CDKAL1: variants seen among roughly 807,000 people sequenced by gnomAD.
CDKAL1 encodes the protein threonylcarbamoyladenosine tRNA methylthiotransferase.
A neutral mutation model predicts 68.2 loss-of-function variants in CDKAL1; 32 were observed. That is an observed-to-expected ratio of 0.47 (90% CI 0.35 to 0.63). CDKAL1 has a LOEUF of 0.63. CDKAL1 is among the 30% of genes least tolerant of loss of function. The pLI, the probability that CDKAL1 is intolerant of heterozygous loss-of-function variation, is 0.00. For missense variants in CDKAL1, 606 were observed against 696.7 expected (o/e 0.87, Z 1.47); for synonymous variants, 234 against 244.3 (o/e 0.96, Z 0.39).
chr6:20,573,973 C>T (rs1764812396), intron 4 of CDKAL1, among the ~76,000 whole-genome samples: 2 of 152,160 alleles, frequency 1.3e-5, no homozygotes. Flanking sequence ...GGCAGTATAA[C>T]TAGCTGGCTC....
At chr6:20,989,660 T>C (rs955666229) in intron 10 of CDKAL1, among the ~76,000 whole-genome samples, 33 of 152,324 alleles carry the variant, frequency 2.2e-4, no homozygotes, top group Non-Finnish European at 3.5e-4. Context: ...GTAGCAGTCT[T>C]TTCTTAAATG....
intron 8 of CDKAL1, among the ~76,000 whole-genome samples, chr6:20,842,525 T>G (rs1219647890): frequency 6.6e-6 from 1 of 151,972 alleles, no homozygotes; most frequent in African/African-American, 2.4e-5. Context: ...CAATAAAGAG[T>G]TTAGAACTTC....
At position 20,661,924 on chromosome 6, in the gene CDKAL1, A is replaced by G. The variant is rs138970007; in HGVS notation, c.371+12547A>G. On this transcript the variant is annotated intron_variant, in intron 5 of 15. Transcript: ENST00000274695. ...TTGGCTGTTGTCCTAACAACTCTGT[A>G]GGTGGAGGCTCCAGAAAGCATGCAG... is the stretch of plus-strand genomic sequence containing the variant. 2.4e-3 allele frequency among the ~76,000 whole-genome samples: 368 copies of G among 152,320 alleles called. 7 individuals carry two copies. The highest frequency in any genetic ancestry group is 0.022 in the Admixed American group (340 of 15,290).
At chr6:20,928,386 TA>T (rs544452651) in intron 9 of CDKAL1, among the ~76,000 whole-genome samples, 4 of 152,352 alleles carry the variant, frequency 2.6e-5, no homozygotes, top group African/African-American at 9.6e-5. Context: ...ATATCACATT[TA>T]AACATAGCCC....
chr6:20,565,436 A>G (rs1764424976), intron 4 of CDKAL1, among the ~76,000 whole-genome samples: 1 of 152,134 alleles, frequency 6.6e-6, no homozygotes, highest in Admixed American at 6.5e-5. Flanking sequence ...TTAAAAACCC[A>G]TCCTCCTAAC....
intron 15 of CDKAL1, among the ~76,000 whole-genome samples, chr6:21,226,140 A>G (rs1779731009): frequency 6.6e-6 from 1 of 152,210 alleles, no homozygotes; most frequent in African/African-American, 2.4e-5. Context: ...GCTCAAGTTA[A>G]AAGCATCTCT....
chr6:20,879,812 G>A lies in CDKAL1; in HGVS notation c.742+33634G>A, dbSNP rs1371445692. Among the ~76,000 whole-genome samples, 3 of 152,268 alleles carry A rather than the reference G, an allele frequency of 2.0e-5. No homozygotes were observed. The East Asian group carries it at 5.8e-4, about 29-fold the overall frequency. ...CCCACACCTCGGAGTGATGCTGAGT[G>A]AGGGAATCCAATCTCCCAAACAGGA... On this transcript the variant is annotated intron_variant, in intron 9 of 15. Transcript: ENST00000274695.
At chr6:20,830,083 T>C (rs545664642) in intron 8 of CDKAL1, among the ~76,000 whole-genome samples, 1 of 152,270 alleles carries the variant, frequency 6.6e-6, no homozygotes, top group Admixed American at 6.5e-5. Context: ...CTTGAACTCC[T>C]GGCCTCAAGT....
At chr6:21,165,277 C>T (rs998435927) in intron 13 of CDKAL1, among the ~76,000 whole-genome samples, 6 of 152,162 alleles carry the variant, frequency 3.9e-5, no homozygotes, top group African/African-American at 1.4e-4. Flanking sequence ...TTCTTCTTTA[C>T]GGCCCAACTC....
intron 13 of CDKAL1, among the ~76,000 whole-genome samples, chr6:21,158,952 A>G (rs1776773761): frequency 6.6e-6 from 1 of 152,120 alleles, no homozygotes; most frequent in Non-Finnish European, 1.5e-5. Context: ...ATTATACATG[A>G]TGTAGCTTTC....
intron 9 of CDKAL1, among the ~76,000 whole-genome samples, chr6:20,875,153 G>A (rs886432509): frequency 2.6e-5 from 4 of 151,446 alleles, no homozygotes; most frequent in Non-Finnish European, 4.4e-5. Flanking sequence ...CAAAAAATTA[G>A]CCGGGCGCGG....
chr6:20,591,696 A>G (rs546620112), intron 4 of CDKAL1, among the ~76,000 whole-genome samples: 5 of 152,092 alleles, frequency 3.3e-5, no homozygotes, highest in African/African-American at 9.6e-5. Context: ...GTGTGGCATT[A>G]TTTCTGAGGC....
intron 6 of CDKAL1, among the ~76,000 whole-genome samples, chr6:20,748,732 C>G (rs1225546131): frequency 6.9e-6 from 1 of 145,392 alleles, no homozygotes; most frequent in Non-Finnish European, 1.5e-5. Context: ...ACAAGCCCAC[C>G]AAGAAGACAC....
chr6:20,775,957 C>G (rs1266487550), intron 7 of CDKAL1, among the ~76,000 whole-genome samples: 1 of 151,532 alleles, frequency 6.6e-6, no homozygotes, highest in African/African-American at 2.4e-5. Context: ...GTGACTGTTA[C>G]GTTATTTCCT....
At chr6:20,568,607 C>A (rs375865671) in intron 4 of CDKAL1, among the ~76,000 whole-genome samples, 2 of 151,626 alleles carry the variant, frequency 1.3e-5, no homozygotes, top group Non-Finnish European at 2.9e-5. Flanking sequence ...TGGTGGCGGG[C>A]GCCTGTAGTC....
chr6:21,068,838 A>G (rs1771597957), intron 12 of CDKAL1, among the ~76,000 whole-genome samples: 1 of 152,190 alleles, frequency 6.6e-6, no homozygotes, highest in South Asian at 2.1e-4. Flanking sequence ...CTGTCCTTAA[A>G]TGAAGTATAT....
intron 5 of CDKAL1, among the ~76,000 whole-genome samples, chr6:20,680,107 G>A (rs1770307679): frequency 6.6e-6 from 1 of 150,614 alleles, no homozygotes; most frequent in South Asian, 2.1e-4. Flanking sequence ...TTGCTCTGTT[G>A]CCCAGGTTGA....
intron 6 of CDKAL1, among the ~76,000 whole-genome samples, chr6:20,758,317 T>G (rs1774316130): frequency 6.6e-6 from 1 of 152,210 alleles, no homozygotes; most frequent in South Asian, 2.1e-4. Context: ...ATGTTGAGTA[T>G]ATGTTGATAG....
At chr6:20,755,763 A>G (rs1432946777) in intron 6 of CDKAL1, among the ~76,000 whole-genome samples, 3 of 152,118 alleles carry the variant, frequency 2.0e-5, no homozygotes, top group African/African-American at 4.8e-5. Context: ...TTATAGCTCT[A>G]CTTGGAGTTA....
Sources: gnomAD v4.1 joint callset for allele counts (sites outside exome capture counted in the v4.1 genomes callset) on GRCh38, gnomAD v4.1.1 for gene constraint, MANE v1.5 for transcripts, NCBI Gene and HGNC (gene_info 2026-07-23, HGNC 2026-07-21) for gene names.